Variants in MYH2 observed in about 807,000 individuals in gnomAD.
MYH2 encodes the protein myosin heavy chain 2.
MYH2 carries 139 observed loss-of-function variants against 228.1 expected under a neutral mutation model. The observed-to-expected ratio is 0.61, with a 90% CI of 0.53 to 0.70. The LOEUF (loss-of-function observed/expected upper bound fraction) is 0.70. MYH2 is among the 30% of genes least tolerant of loss of function. The probability of loss-of-function intolerance (pLI) is 0.00; values close to 1 mark genes in which losing one functional copy is unlikely to be tolerated. For synonymous variants in MYH2, 796 were observed against 871.1 expected, an observed-to-expected ratio of 0.91 and a Z score of 1.52; for missense variants, 1,809 against 2,357.5, an observed-to-expected ratio of 0.77 and a Z score of 4.82.
intron 18 of MYH2, 24 bp downstream of exon 18, chr17:10,535,254 C>T: frequency 6.2e-7 from 1 of 1,613,838 alleles, no homozygotes; most frequent in Non-Finnish European, 8.5e-7. Context: ...TCATCCTTTG[C>T]ACTTTCATTA....
chr17:10,523,163 A>T lies in MYH2; in HGVS notation c.5600T>A (p.Ile1867Asn), dbSNP rs2142289973. 6.2e-7 allele frequency: 1 copy of T among 1,613,972 alleles called. No homozygotes were observed. The highest frequency in any genetic ancestry group is 2.2e-5 in the East Asian group (1 of 44,884). ...TYQTEEDRKNILRLQDLVDKL... is the reference protein window; with the variant it reads ...TYQTEEDRKNNLRLQDLVDKL... ...ATCTACCAAATCTTGAAGCCTGAGA[A>T]TATTCTTTCTATCTTCTTCCGTCTG... is the stretch of plus-strand genomic sequence containing the variant. Residue 1867 changes from isoleucine (I) to asparagine (N), a missense_variant, in exon 39 of 40, where the codon ATT becomes AAT. This residue lies in a region of MYH2 where 278 missense variants were observed against 308.5 expected (regional missense o/e 0.90). Coordinates refer to ENST00000245503, the MANE Select transcript of MYH2 (RefSeq NM_017534.6).
Position 10,525,150 on chromosome 17 carries a change from T to A in MYH2, c.4662+74A>T, listed in dbSNP as rs2073334800. On this transcript the variant is annotated intron_variant, in intron 33 of 39. Transcript: ENST00000245503. The surrounding 1 kb of genome is among the most constrained non-coding windows in gnomAD (Gnocchi z 4.2). The stretch of plus-strand genomic sequence containing the variant: ...CACAGCAATAATTTTGTGCTATGTG[T>A]CTTTTTATTCACTCTATGCAGATGT... The A allele has an allele frequency of 6.2e-6, 10 of 1,613,886 alleles. No homozygotes were observed. Among genetic ancestry groups the A allele is most frequent in the Non-Finnish European group, 7.6e-6 (9 of 1,179,890 alleles).
chr17:10,544,032 T>C lies in MYH2; in HGVS notation c.534-16A>G, dbSNP rs776427006. On this transcript the variant is annotated splice_polypyrimidine_tract_variant and intron_variant, in intron 6 of 39. Coordinates refer to ENST00000245503, the MANE Select transcript of MYH2 (RefSeq NM_017534.6). ...AGATTCTCCACTGTCAAATCAAAAC[T>C]CAATCAGATGTGGTCTCAAACCTAG... 2.4e-5 allele frequency: 38 copies of C among 1,613,946 alleles called. No individual in the cohort carries two copies. The highest frequency in any genetic ancestry group is 3.1e-5 in the Non-Finnish European group (37 of 1,180,002).
Position 10,527,059 on chromosome 17 carries a change from G to A in MYH2, c.3872-3C>T. 6.2e-7 allele frequency: 1 copy of A among 1,612,852 alleles called. No individual in the cohort carries two copies. The highest frequency in any genetic ancestry group is 8.5e-7 in the Non-Finnish European group (1 of 1,178,830). On this transcript the variant is annotated splice_region_variant and splice_polypyrimidine_tract_variant and intron_variant, in intron 28 of 39. Coordinates refer to ENST00000245503, the MANE Select transcript of MYH2 (RefSeq NM_017534.6). ...ATCAAGCTGGCGTGAAAACTCACCT[G>A]ATGGACAAAAGAAATGGCACCATTT...
chr17:10,526,330 A>G (rs1209941968), intron 30 of MYH2, among the ~76,000 whole-genome samples: 3 of 152,186 alleles, frequency 2.0e-5, no homozygotes, highest in Non-Finnish European at 2.9e-5. Flanking sequence ...TGCAGCGATG[A>G]GCTCATTGTG....
rs1567738708 is a variant in MYH2, at chr17:10,547,807, G to T, written c.114C>A (p.Val38=). The stretch of plus-strand genomic sequence containing the variant: ...AGGATTCTTTGGGCTCCGCCACAAA[G>T]ACAGATGTTTTGGCATCAAAGGGCC... ...QNRPFDAKTS[V]FVAEPKESFV... is the part of the protein sequence containing the mutation. Residue 38 remains valine (V), a synonymous_variant, in exon 3 of 40, where the codon GTC becomes GTA. Transcript: ENST00000245503. 2 of 1,614,198 alleles carry T rather than the reference G, an allele frequency of 1.2e-6. No individual in the cohort carries two copies. Among genetic ancestry groups the T allele is most frequent in the Non-Finnish European group, 1.7e-6 (2 of 1,180,042 alleles).
At chr17:10,544,192 A>G in intron 5 of MYH2, 65 bp from the exon 6 acceptor site, 2 of 1,570,926 alleles carry the variant, frequency 1.3e-6, no homozygotes, top group Middle Eastern at 1.7e-4. Context: ...TAAGTAAAGT[A>G]AAATGGAATG....
chr17:10,540,378 T>A, intron 11 of MYH2, among the ~76,000 whole-genome samples: 1 of 150,982 alleles, frequency 6.6e-6, no homozygotes, highest in Non-Finnish European at 1.5e-5. Flanking sequence ...AAAAATAGTT[T>A]AGAAATTTTC....
chr17:10,535,348 C>T lies in MYH2; in HGVS notation c.1992G>A (p.Leu664=). The part of the protein sequence containing the change: ...SALFRENLNK[L]MTNLRSTHPH... ...GATGGGTACTCCTGAGGTTGGTCAT[C>T]AGCTTGTTCAAATTCTCCTGTAAAA... The change falls in exon 18 of 40, where the codon CTG becomes CTA. Residue 664 remains leucine, a synonymous_variant. Coordinates refer to ENST00000245503, the MANE Select transcript of MYH2 (RefSeq NM_017534.6). 1 of 1,614,118 alleles carries T rather than the reference C, an allele frequency of 6.2e-7. No homozygotes were observed. The highest frequency in any genetic ancestry group is 1.3e-5 in the African/African-American group (1 of 75,042).
rs745584391 is a variant in MYH2, at chr17:10,521,363, G to A, written c.5743C>T (p.Arg1915Trp). 2.5e-5 allele frequency: 40 copies of A among 1,613,984 alleles called. 1 individual carries two copies. In the Admixed American group the frequency reaches 2.8e-4, roughly 11 times the overall value. The change falls in exon 40 of 40, where the codon CGG becomes TGG. Residue 1915 changes from arginine to tryptophan, a missense_variant. Arg to Trp is a moderately radical substitution (Grantham distance 101, BLOSUM62 -3). Coordinates refer to ENST00000245503, the MANE Select transcript of MYH2 (RefSeq NM_017534.6). ...ACCTGGGACTCAGCAATGTCAGCCC[G>A]TTCCTCGGCCTCCTCCAGCTCATGC... ...LQHELEEAEE[R>W]ADIAESQVNK...
In MYH2 at chr17:10,525,535, T is replaced by G. The variant is rs1190321116; in HGVS notation, c.4453A>C (p.Thr1485Pro). The G allele has an allele frequency of 6.2e-7, 1 of 1,614,218 alleles. No individual in the cohort carries two copies. Among genetic ancestry groups the G allele is most frequent in the Admixed American group, 1.7e-5 (1 of 60,028 alleles). The change falls in exon 32 of 40, where the codon ACT becomes CCT. Residue 1485 changes from threonine to proline, a missense_variant. Transcript: ENST00000245503. The surrounding 1 kb of genome is among the most constrained non-coding windows in gnomAD (Gnocchi z 4.2). ...ASQKEARSLG[T>P]ELFKIKNAYE... ...GCATTCTTTATCTTGAACAGCTCAG[T>G]GCCAAGGGAACGGGCCTCCTTCTGG...
rs574872443 is a variant in MYH2, at chr17:10,523,383, A to T, written c.5502T>A (p.Ser1834Arg). 5 of 1,614,076 alleles carry T rather than the reference A, an allele frequency of 3.1e-6. No individual in the cohort carries two copies. In the South Asian group the frequency reaches 4.4e-5, roughly 14 times the overall value. The change falls in exon 38 of 40, where the codon AGT becomes AGA. Residue 1834 changes from serine (S) to arginine (R), a missense_variant. This residue lies in a region of MYH2 where 278 missense variants were observed against 308.5 expected (regional missense o/e 0.90). Transcript: ENST00000245503. Reference sequence around the variant, plus strand: ...CAGCCTCAGCATTACGCTTTTGCTCACTCTCAACCTCTCCTTCCAGCTCCC... The same window carrying T: ...CAGCCTCAGCATTACGCTTTTGCTCTCTCTCAACCTCTCCTTCCAGCTCCC... ...RVRELEGEVE[S>R]EQKRNAEAVK...
At position 10,525,083 on chromosome 17, in the gene MYH2, G is replaced by T; in HGVS notation, c.4663-18C>A. On this transcript the variant is annotated intron_variant, in intron 33 of 39. Transcript: ENST00000245503. This position sits in a 1 kb window ranked among gnomAD's most constrained non-coding sequence, Gnocchi z 4.2. ...AGAGATGCCTTAATGACAGCAAGAG[G>T]TGACATTAGCAAGGAACCAAAAGCT... 6.2e-7 allele frequency: 1 copy of T among 1,614,094 alleles called. No individual in the cohort carries two copies.
intron 28 of MYH2, 69 bp downstream of exon 28, chr17:10,527,679 C>T: frequency 1.9e-6 from 3 of 1,610,162 alleles, no homozygotes; most frequent in Non-Finnish European, 2.5e-6. Flanking sequence ...TCCCACTTCA[C>T]CAAATCAGTC....
intron 17 of MYH2, 143 bp downstream of exon 17, chr17:10,536,387 G>A (rs2073482265): frequency 1.6e-6 from 1 of 640,866 alleles, no homozygotes; most frequent in East Asian, 2.9e-5. Flanking sequence ...ATATTACAAA[G>A]TAATTTTAAT....
intron 10 of MYH2, among the ~76,000 whole-genome samples, chr17:10,541,228 G>GCCATATT (rs2073549899): frequency 6.6e-6 from 1 of 152,210 alleles, no homozygotes; most frequent in African/African-American, 2.4e-5. Context: ...GTGGAACACA[G>GCCATATT]CCATATTTCT....
At chr17:10,546,256 GATATATATATATATATATAT>G (rs71139049) in intron 4 of MYH2, among the ~76,000 whole-genome samples, 4 of 66,102 alleles carry the variant, frequency 6.1e-5, no homozygotes, top group African/African-American at 2.2e-4. Flanking sequence ...GACACGAAAT[GATATATATATATATATATAT>G]ATATATATAT....
rs774938875 is a variant in MYH2 at position 10,531,703 on chromosome 17, C to T, written c.2627G>A (p.Arg876Lys). The change falls in exon 22 of 40, where the codon AGG becomes AAG. Residue 876 changes from arginine (R) to lysine (K), a missense_variant. Arg to Lys is a conservative substitution (Grantham distance 26, BLOSUM62 2). This residue lies in a region of MYH2 where 276 missense variants were observed against 344.2 expected (regional missense o/e 0.80). Coordinates refer to ENST00000245503, the MANE Select transcript of MYH2 (RefSeq NM_017534.6). ...KDELAKSEAK[R>K]KELEEKMVTL... Reference sequence around the variant, plus strand: ...CACCATCTTTTCTTCCAGTTCCTTCCTTTTTGCCTCTGACTTGGCAAGTTC... The same window carrying T: ...CACCATCTTTTCTTCCAGTTCCTTCTTTTTTGCCTCTGACTTGGCAAGTTC... 6.2e-7 allele frequency: 1 copy of T among 1,614,130 alleles called. No individual in the cohort carries two copies. Among genetic ancestry groups the T allele is most frequent in the Non-Finnish European group, 8.5e-7 (1 of 1,180,028 alleles).
In MYH2 at chr17:10,535,093, A is replaced by C. The variant is rs2142307847; in HGVS notation, c.2160T>G (p.Leu720=). 1 of 1,614,128 alleles carries C rather than the reference A, an allele frequency of 6.2e-7. No homozygotes were observed. The highest frequency in any genetic ancestry group is 8.5e-7 in the Non-Finnish European group (1 of 1,179,994). ...ICRKGFPSRI[L]YADFKQRYKV... Reference sequence around the variant, plus strand: ...CTGACCTCTGTTTGAAGTCTGCATAAAGGATTCTGCTTGGAAATCCTTTCC... The same window carrying C: ...CTGACCTCTGTTTGAAGTCTGCATACAGGATTCTGCTTGGAAATCCTTTCC... Residue 720 remains leucine (L), a synonymous_variant, in exon 19 of 40, where the codon CTT becomes CTG. Coordinates refer to ENST00000245503, the MANE Select transcript of MYH2 (RefSeq NM_017534.6).
Sources: gnomAD v4.1 joint callset for allele counts (sites outside exome capture counted in the v4.1 genomes callset) on GRCh38, gnomAD v4.1.1 for gene constraint, gnomAD v4.1.1 regional missense constraint, Gnocchi (gnomAD v3.1) non-coding constraint, MANE v1.5 for transcripts, NCBI Gene and HGNC (gene_info 2026-07-23, HGNC 2026-07-21) for gene names.